Variants in ECPAS observed in about 807,000 individuals in gnomAD.
ECPAS encodes the protein proteasome adapter and scaffold protein ECM29.
Under a neutral mutation model 255.1 loss-of-function variants are expected in ECPAS, and 70 were observed. The ratio of observed to expected loss-of-function variants is 0.27; its 90% confidence interval spans 0.23 to 0.33. The LOEUF (loss-of-function observed/expected upper bound fraction) is 0.33, where lower values mean the gene tolerates loss of function less well. Ranked by LOEUF, ECPAS falls within the 10% of genes least tolerant of loss-of-function variation. The probability of loss-of-function intolerance (pLI) is 1.00; values close to 1 mark genes in which losing one functional copy is unlikely to be tolerated. For synonymous variants in ECPAS, 784 were observed against 775.0 expected, an observed-to-expected ratio of 1.01 and a Z score of -0.19; for missense variants, 1,817 against 2,206.4, an observed-to-expected ratio of 0.82 and a Z score of 3.54.
chr9:111,373,488 C>A (rs1169957214), intron 39 of ECPAS, 82 bp from the exon 40 acceptor site: 4 of 1,079,636 alleles, frequency 3.7e-6, no homozygotes, highest in Admixed American at 2.0e-5. Flanking sequence ...ACAAACCTAA[C>A]CCTGTAATTA....
chr9:111,460,821 T>G (rs988575898), intron 2 of ECPAS, among the ~76,000 whole-genome samples: 1 of 152,136 alleles, frequency 6.6e-6, no homozygotes, highest in Non-Finnish European at 1.5e-5. Flanking sequence ...ATTCACAGAT[T>G]AGAAAATATT....
intron 2 of ECPAS, among the ~76,000 whole-genome samples, chr9:111,463,851 C>CAAT (rs2098276064): frequency 6.6e-6 from 1 of 152,244 alleles, no homozygotes; most frequent in East Asian, 1.9e-4. Context: ...CATATTGATA[C>CAAT]AATCTCTGAA....
At chr9:111,416,123 T>C (rs2098203119) in intron 18 of ECPAS, 149 bp downstream of exon 18, 1 of 566,182 alleles carries the variant, frequency 1.8e-6, no homozygotes, top group Non-Finnish European at 3.1e-6. Flanking sequence ...CCCAATACTT[T>C]TTTTTTAAAT....
intron 6 of ECPAS, among the ~76,000 whole-genome samples, chr9:111,439,497 G>A (rs2098242841): frequency 6.6e-6 from 1 of 151,908 alleles, no homozygotes; most frequent in Non-Finnish European, 1.5e-5. Context: ...TCAAACTTCT[G>A]GGCTCAAGGG....
intron 1 of ECPAS, among the ~76,000 whole-genome samples, chr9:111,479,080 C>T (rs1305061092): frequency 6.6e-6 from 1 of 152,128 alleles, no homozygotes; most frequent in East Asian, 1.9e-4. Flanking sequence ...TTTCCAGCTG[C>T]AGGACCCAGG....
chr9:111,451,760 G>A lies in ECPAS; in HGVS notation c.23-205C>T, dbSNP rs2098260562. Among the ~76,000 whole-genome samples the A allele has an allele frequency of 2.6e-5, 4 of 152,130 alleles. No homozygotes were observed. The South Asian group carries it at 8.3e-4, about 31-fold the overall frequency. ...CTACCCTGGTCTACCCTTTAGAATG[G>A]AAGAAAACAAAACCAAGAACAAAAA... On this transcript the variant is annotated intron_variant, in intron 2 of 49. Transcript: ENST00000684092.
chr9:111,371,679 A>G lies in ECPAS; in HGVS notation c.4679T>C (p.Leu1560Pro), dbSNP rs576172285. The change falls in exon 43 of 50, where the codon CTC (leucine) becomes CCC (proline). Residue 1560 changes from leucine to proline, a missense_variant. Leu to Pro is a moderately conservative substitution (Grantham distance 98). Around this residue, in one of 4 missense-constraint regions of ECPAS, gnomAD observed 960 missense variants for 1,179.0 expected, o/e 0.81. Transcript: ENST00000684092. ...KQTSSLVPPY[L>P]GMILTALLQG... ...CAGCAATGCGGTCAGTATCATTCCG[A>G]GATATGGAGGTACTAGAGAGCTAGT... 71 of 1,613,620 alleles carry G rather than the reference A, an allele frequency of 4.4e-5. No individual in the cohort carries two copies. The highest frequency in any genetic ancestry group is 5.4e-5 in the Non-Finnish European group (64 of 1,179,800).
At chr9:111,372,900 C>T (rs1364474716) in intron 41 of ECPAS, among the ~76,000 whole-genome samples, 2 of 152,056 alleles carry the variant, frequency 1.3e-5, no homozygotes, top group African/African-American at 4.8e-5. Context: ...GGCGTGGTGG[C>T]ACGTGCCTGT....
Position 111,361,733 on chromosome 9 carries a change from A to G in ECPAS, c.*297T>C. The G allele has an allele frequency of 4.7e-6, 1 of 211,210 alleles. No individual in the cohort carries two copies. Among genetic ancestry groups the G allele is most frequent in the Admixed American group, 5.8e-5 (1 of 17,330 alleles). The allele number at this position is 211,210 out of a possible 1,614,324, so 13.1% of individuals were successfully genotyped here. A position where few individuals can be genotyped will look rare whatever the true frequency, so the allele number is the denominator to read the frequency against. ...TCCAGCTTGCTCTGCAACTCTGTCT[A>G]TTAATTCCTTTAATAACAGCTTGAA... On this transcript the variant is annotated 3_prime_UTR_variant, in exon 50 of 50. Transcript: ENST00000684092.
intron 8 of ECPAS, among the ~76,000 whole-genome samples, chr9:111,430,972 T>G (rs1270346035): frequency 6.6e-6 from 1 of 152,198 alleles, no homozygotes; most frequent in Non-Finnish European, 1.5e-5. Context: ...AGAGCTTTAC[T>G]ACACTTGTTC....
At chr9:111,430,834 C>T (rs1315680868) in intron 8 of ECPAS, among the ~76,000 whole-genome samples, 1 of 152,184 alleles carries the variant, frequency 6.6e-6, no homozygotes, top group Non-Finnish European at 1.5e-5. Flanking sequence ...AAATACAAAT[C>T]ACTTATCCCA....
chr9:111,454,837 T>G (rs1307971506), intron 2 of ECPAS, among the ~76,000 whole-genome samples: 1 of 152,006 alleles, frequency 6.6e-6, no homozygotes, highest in Non-Finnish European at 1.5e-5. Context: ...CCAAGTAGCT[T>G]GGACTACAGG....
chr9:111,406,218 G>A (rs972771091), intron 24 of ECPAS, among the ~76,000 whole-genome samples: 1 of 149,476 alleles, frequency 6.7e-6, no homozygotes, highest in Non-Finnish European at 1.5e-5. Context: ...TGTTGCTGAC[G>A]GCAACATAGA....
intron 2 of ECPAS, among the ~76,000 whole-genome samples, chr9:111,456,316 G>A (rs1000760619): frequency 3.3e-5 from 5 of 152,120 alleles, no homozygotes; most frequent in East Asian, 1.9e-4. Context: ...ATTATATAAC[G>A]TAAAAAAGCA....
intron 48 of ECPAS, among the ~76,000 whole-genome samples, chr9:111,365,305 TCATCATC>T (rs2098118987): frequency 6.7e-6 from 1 of 150,182 alleles, no homozygotes; most frequent in Non-Finnish European, 1.5e-5. Context: ...ATCATCATCA[TCATCATC>T]ATCATCATCA....
At chr9:111,386,832 T>C (rs182998712) in intron 31 of ECPAS, among the ~76,000 whole-genome samples, 3 of 152,362 alleles carry the variant, frequency 2.0e-5, no homozygotes, top group Admixed American at 2.0e-4. Flanking sequence ...CAGGTCCTAC[T>C]TGCTTGGCTA....
chr9:111,428,067 G>A lies in ECPAS; in HGVS notation c.1025C>T (p.Ala342Val). Residue 342 changes from alanine to valine, a missense_variant, in exon 10 of 50, where the codon GCT becomes GTT. Around this residue, in one of 4 missense-constraint regions of ECPAS, gnomAD observed 573 missense variants for 716.2 expected, o/e 0.80. Transcript: ENST00000684092. ...VPHLLRSRQA[A>V]ETFPANIQVV... is the part of the protein sequence containing the mutation. ...CTGAATGTTGGCTGGGAACGTTTCA[G>A]CAGCTTGTCTAGAGCGGAGGAGATG... is the stretch of plus-strand genomic sequence containing the variant. 2 of 1,613,470 alleles carry A rather than the reference G, an allele frequency of 1.2e-6. No individual in the cohort carries two copies. The highest frequency in any genetic ancestry group is 1.7e-6 in the Non-Finnish European group (2 of 1,179,672).
intron 41 of ECPAS, 71 bp from the exon 42 acceptor site, chr9:111,372,691 G>T: frequency 1.7e-6 from 2 of 1,169,652 alleles, no homozygotes; most frequent in Non-Finnish European, 2.4e-6. Flanking sequence ...ACAGGCTATT[G>T]TTCAACTCAT....
chr9:111,399,012 T>C (rs572857765), intron 24 of ECPAS, among the ~76,000 whole-genome samples: 6 of 152,040 alleles, frequency 3.9e-5, no homozygotes, highest in African/African-American at 1.2e-4. Flanking sequence ...AATAATTTAA[T>C]TGTACATTTT....
Sources: gnomAD v4.1 joint callset for allele counts (sites outside exome capture counted in the v4.1 genomes callset) on GRCh38, gnomAD v4.1.1 for gene constraint, gnomAD v4.1.1 regional missense constraint, MANE v1.5 for transcripts, NCBI Gene and HGNC (gene_info 2026-07-23, HGNC 2026-07-21) for gene names.